ZNF428: variants seen among roughly 807,000 people sequenced by gnomAD.
The protein encoded by ZNF428 is enzyme-like protein PIT13.
Under a neutral mutation model 15.6 loss-of-function variants are expected in ZNF428, and 5 were observed. The ratio of observed to expected loss-of-function variants is 0.32; its 90% CI spans 0.17 to 0.67. The LOEUF (loss-of-function observed/expected upper bound fraction) is 0.67. Among genes scored for constraint, ZNF428 ranks in the 30% least tolerant of loss-of-function variants. The probability of loss-of-function intolerance (pLI) is 0.73; values close to 1 mark genes in which losing one functional copy is unlikely to be tolerated. For missense variants in ZNF428, 237 were observed against 256.0 expected, an observed-to-expected ratio of 0.93 and a Z score of 0.51; for synonymous variants, 97 against 102.2, an observed-to-expected ratio of 0.95 and a Z score of 0.31.
chr19:43,609,159 C>G (rs1973269994), intron 2 of ZNF428, among the ~76,000 whole-genome samples: 1 of 151,970 alleles, frequency 6.6e-6, no homozygotes, highest in Non-Finnish European at 1.5e-5. Context: ...TATTACTATC[C>G]CCAGTTGATG....
intron 1 of ZNF428, among the ~76,000 whole-genome samples, chr19:43,616,800 G>A (rs977491427): frequency 1.3e-5 from 2 of 149,230 alleles, no homozygotes; most frequent in Non-Finnish European, 3.0e-5. Context: ...TGTCAAGAAT[G>A]TCCTCCTCCT....
Position 43,607,965 on chromosome 19 carries a change from C to A in ZNF428, c.219G>T (p.Gly73=), listed in dbSNP as rs749737794. ...CCCGGCGGGATGGGCCACCACGGCC[C>A]CCGCCAAGGCGCTGCTTCACCTTGT... is the stretch of plus-strand genomic sequence containing the variant. ...PGYKVKQRLG[G]GRGGPSRRAP... The change falls in exon 3 of 3, where the codon GGG becomes GGT. Residue 73 remains glycine, a synonymous_variant. Transcript: ENST00000300811. This position sits in a 1 kb window ranked among gnomAD's most constrained non-coding sequence, Gnocchi z 5.1. 6.2e-7 allele frequency: 1 copy of A among 1,600,636 alleles called. No individual in the cohort carries two copies. The highest frequency in any genetic ancestry group is 8.5e-7 in the Non-Finnish European group (1 of 1,173,954).
rs371417784 is a variant in ZNF428, at chr19:43,613,860, A to G, written c.76+369T>C. 7 of 1,551,560 alleles carry G rather than the reference A, an allele frequency of 4.5e-6. 1 individual carries two copies. The South Asian group carries it at 7.1e-5, about 16-fold the overall frequency. ...TGGAGAAGCCCCAGCAAGGAGAGAG[A>G]GCGCAGACAATCTAGAAGCTCCAGC... On this transcript the variant is annotated intron_variant, in intron 2 of 2. Transcript: ENST00000300811.
At chr19:43,614,482 C>T (rs1373585044) in intron 1 of ZNF428, 48 bp from the exon 2 acceptor site, 8 of 1,422,870 alleles carry the variant, frequency 5.6e-6, no homozygotes, top group Middle Eastern at 2.4e-4. Context: ...TAAATTTTTA[C>T]ATAGCACCCA....
chr19:43,609,967 G>A (rs1408765859), intron 2 of ZNF428, among the ~76,000 whole-genome samples: 1 of 151,974 alleles, frequency 6.6e-6, no homozygotes. Context: ...AGAACCCAGA[G>A]GATCCTGCTA....
rs757464161 is a variant in ZNF428 at position 43,612,180 on chromosome 19, C to G, written c.76+2049G>C. On this transcript the variant is annotated intron_variant, in intron 2 of 2. Coordinates refer to ENST00000300811, the MANE Select transcript of ZNF428 (RefSeq NM_182498.4). The surrounding 1 kb of genome is among the most constrained non-coding windows in gnomAD (Gnocchi z 4.2). ...ATGTCTCTGGCACCCAGTGGATCCTCCATGCCCACTGCGGATCCCAAGCCT... is the reference window on the plus strand; with the variant it reads ...ATGTCTCTGGCACCCAGTGGATCCTGCATGCCCACTGCGGATCCCAAGCCT... 4.7e-5 allele frequency: 73 copies of G among 1,551,632 alleles called. No homozygotes were observed. Among genetic ancestry groups the G allele is most frequent in the Non-Finnish European group, 6.0e-5 (69 of 1,147,002 alleles).
chr19:43,614,723 C>T (rs1177219755), intron 1 of ZNF428, among the ~76,000 whole-genome samples: 4 of 152,144 alleles, frequency 2.6e-5, no homozygotes, highest in African/African-American at 7.2e-5. Flanking sequence ...CTCAGCTTCC[C>T]GAGTAGCTGG....
chr19:43,614,589 T>C, intron 1 of ZNF428, 155 bp from the exon 2 acceptor site: 2 of 505,476 alleles, frequency 4.0e-6, no homozygotes, highest in Non-Finnish European at 6.1e-6. Flanking sequence ...CTGCAAGCCC[T>C]GCCCCTCTCT....
chr19:43,609,359 G>GGAGAGAGAGAGAGAGAGAGAGAGAGAGA (rs55665674), intron 2 of ZNF428, among the ~76,000 whole-genome samples: 888 of 81,558 alleles, frequency 0.011, 18 homozygotes, highest in African/African-American at 0.03. Context: ...CTGTGGCCAT[G>GGAGAGAGAGAGAGAGAGAGAGAGAGAGA]GAGAGAGAGA....
intron 2 of ZNF428, 69 bp downstream of exon 2, chr19:43,614,136 GCAGCCACTCCCCATCAACATTTCC>G (rs776637557): frequency 2.5e-6 from 4 of 1,611,476 alleles, no homozygotes; most frequent in Non-Finnish European, 3.4e-6. Context: ...AGCAAGACAA[GCAGCCACTCCCCATCAACATTTCC>G]CAGTGGGGGC....
Position 43,607,541 on chromosome 19 carries a change from T to A in ZNF428, c.*76A>T. The stretch of plus-strand genomic sequence containing the variant: ...GCAGTACCCCATCCCCCATGACCAC[T>A]GTCACAACCCCAATTTCCTCAGCCC... On this transcript the variant is annotated 3_prime_UTR_variant, in exon 3 of 3. Coordinates refer to ENST00000300811, the MANE Select transcript of ZNF428 (RefSeq NM_182498.4). This position sits in a 1 kb window ranked among gnomAD's most constrained non-coding sequence, Gnocchi z 5.1. 3 of 1,485,056 alleles carry A rather than the reference T, an allele frequency of 2.0e-6. No individual in the cohort carries two copies. Among genetic ancestry groups the A allele is most frequent in the Non-Finnish European group, 2.7e-6 (3 of 1,112,800 alleles). 92.0% of individuals were successfully genotyped at this position (1,485,056 alleles called of 1,614,324 possible).
At chr19:43,618,284 CGG>C (rs35915540) in intron 1 of ZNF428, among the ~76,000 whole-genome samples, 42,322 of 151,566 alleles carry the variant, frequency 0.28, 6,103 homozygotes, top group South Asian at 0.35. Context: ...CCACCCGCCT[CGG>C]CCTCCCAAAG....
chr19:43,616,075 C>T (rs1973368958), intron 1 of ZNF428, among the ~76,000 whole-genome samples: 1 of 152,184 alleles, frequency 6.6e-6, no homozygotes. Flanking sequence ...TTTCTTCAGA[C>T]CTGCCCCAGG....
intron 1 of ZNF428, among the ~76,000 whole-genome samples, chr19:43,615,949 T>C (rs2146122870): frequency 6.6e-6 from 1 of 152,214 alleles, no homozygotes; most frequent in East Asian, 1.9e-4. Flanking sequence ...GACAGCAGCA[T>C]TGGGCATGGA....
chr19:43,611,609 C>T (rs141340745), intron 2 of ZNF428, among the ~76,000 whole-genome samples: 228 of 152,260 alleles, frequency 1.5e-3, no homozygotes, highest in African/African-American at 2.5e-3. Flanking sequence ...TGTGAGCCAC[C>T]GCGCCCAGCC....
intron 2 of ZNF428, chr19:43,613,695 G>A: frequency 6.4e-7 from 1 of 1,551,602 alleles, no homozygotes. Flanking sequence ...AGACGATCTA[G>A]AAGCCCCAGC....
rs1056034264 is a variant in ZNF428, at chr19:43,613,532, A to T, written c.76+697T>A. 1.7e-5 allele frequency: 27 copies of T among 1,551,528 alleles called. No individual in the cohort carries two copies. The East Asian group carries it at 6.1e-4, about 35-fold the overall frequency. ...CCGATCTAGAAGTCCCAACAAGGCG[A>T]GAGATCGCAGCCGATCTAGAAGCCC... is the stretch of plus-strand genomic sequence containing the variant. On this transcript the variant is annotated intron_variant, in intron 2 of 2. Transcript: ENST00000300811.
At position 43,607,963 on chromosome 19, in the gene ZNF428, C is replaced by T; in HGVS notation, c.221G>A (p.Gly74Asp). 2 of 1,598,566 alleles carry T rather than the reference C, an allele frequency of 1.3e-6. No individual in the cohort carries two copies. Among genetic ancestry groups the T allele is most frequent in the Non-Finnish European group, 1.7e-6 (2 of 1,172,852 alleles). The change falls in exon 3 of 3, where the codon GGC (glycine) becomes GAC (aspartate). Residue 74 changes from glycine (G) to aspartate (D), a missense_variant. Gly to Asp is a moderately conservative substitution (Grantham distance 94). Coordinates refer to ENST00000300811, the MANE Select transcript of ZNF428 (RefSeq NM_182498.4). The surrounding 1 kb of genome is among the most constrained non-coding windows in gnomAD (Gnocchi z 5.1). ...GGCCCGGCGGGATGGGCCACCACGG[C>T]CCCCGCCAAGGCGCTGCTTCACCTT... ...GYKVKQRLGGGRGGPSRRAPR... is the reference protein window; with the variant it reads ...GYKVKQRLGGDRGGPSRRAPR...
Position 43,614,435 on chromosome 19 carries a change from C to T in ZNF428, c.-130-1G>A. On this transcript the variant is annotated splice_acceptor_variant, in intron 1 of 2. Coordinates refer to ENST00000300811, the MANE Select transcript of ZNF428 (RefSeq NM_182498.4). LOFTEE classifies it low-confidence loss of function (5UTR_SPLICE). Reference sequence around the variant, plus strand: ...GGATGTTGGCAGGTAGAGAGGGATGCTGGATAGGGGGAAAGGAAAGACCTG... The same window carrying T: ...GGATGTTGGCAGGTAGAGAGGGATGTTGGATAGGGGGAAAGGAAAGACCTG... 2 of 1,450,746 alleles carry T rather than the reference C, an allele frequency of 1.4e-6. No individual in the cohort carries two copies. Among genetic ancestry groups the T allele is most frequent in the Non-Finnish European group, 9.0e-7 (1 of 1,105,854 alleles). 89.9% of individuals were successfully genotyped at this position (1,450,746 alleles called of 1,614,324 possible). A position where few individuals can be genotyped will look rare whatever the true frequency, so the allele number is the denominator to read the frequency against.
Sources: gnomAD v4.1 joint callset for allele counts (sites outside exome capture counted in the v4.1 genomes callset) on GRCh38, gnomAD v4.1.1 for gene constraint, Gnocchi (gnomAD v3.1) non-coding constraint, MANE v1.5 for transcripts, NCBI Gene and HGNC (gene_info 2026-07-23, HGNC 2026-07-21) for gene names.